COL6A5: variants seen among roughly 807,000 people sequenced by gnomAD.
COL6A5 encodes collagen type VI alpha 5 chain.
Under a neutral mutation model 65.6 loss-of-function variants are expected in COL6A5, and 48 were observed. The ratio of observed to expected loss-of-function variants is 0.73; its 90% CI spans 0.58 to 0.93. The LOEUF is 0.93. COL6A5 is among the 40% of genes least tolerant of loss of function. The pLI, the probability that COL6A5 is intolerant of heterozygous loss-of-function variation, is 0.00. For synonymous variants in COL6A5, 291 were observed against 322.8 expected (o/e 0.90, Z 1.05); for missense variants, 914 against 928.3 (o/e 0.98, Z 0.20).
chr3:130,418,802 G>T (rs1937437032), intron 24 of COL6A5, 67 bp from the exon 25 acceptor site: 2 of 1,297,996 alleles, frequency 1.5e-6, no homozygotes, highest in Non-Finnish European at 2.2e-6. Context: ...CGAGTGGACA[G>T]AACTTACCGT....
At chr3:130,439,167 G>A (rs929881096) in intron 1 of COL6A5, among the ~76,000 whole-genome samples, 3 of 152,146 alleles carry the variant, frequency 2.0e-5, no homozygotes, top group Admixed American at 6.5e-5. Context: ...ATAATCAGAA[G>A]TGTGTACAAA....
chr3:130,443,542 A>G, exon 4 of COL6A5: 1 of 1,609,990 alleles, frequency 6.2e-7, no homozygotes, highest in Non-Finnish European at 8.5e-7. Flanking sequence ...TTAGGAGGAG[A>G]GAATATTCAA....
At chr3:130,426,826 G>A (rs1349275553), upstream of COL6A5, among the ~76,000 whole-genome samples, 2 of 151,858 alleles carry the variant, frequency 1.3e-5, no homozygotes. Flanking sequence ...ATGGGAAAGT[G>A]ATGGGGGTGG....
chr3:130,409,928 T>G, intron 18 of COL6A5, 81 bp from the exon 19 acceptor site: 1 of 946,370 alleles, frequency 1.1e-6, no homozygotes, highest in Admixed American at 2.4e-5. Flanking sequence ...CCAAATTAGC[T>G]TAGTACTTGA....
At chr3:130,451,783 G>A (rs322122) in intron 4 of COL6A5, among the ~76,000 whole-genome samples, 126,216 of 152,050 alleles carry the variant, frequency 0.83, 54,014 homozygotes, top group Non-Finnish European at 0.93. Context: ...GGCTGATCAG[G>A]TAACGAAGGC....
intron 7 of COL6A5, among the ~76,000 whole-genome samples, chr3:130,480,933 C>G (rs763437429): frequency 1.3e-5 from 2 of 152,036 alleles, no homozygotes; most frequent in Non-Finnish European, 2.9e-5. Flanking sequence ...TCATCTCAGG[C>G]GAAGTCCCAT....
At chr3:130,410,122 C>A in intron 19 of COL6A5, 48 bp downstream of exon 19, 2 of 1,358,466 alleles carry the variant, frequency 1.5e-6, no homozygotes, top group Non-Finnish European at 2.0e-6. Context: ...TGTTATTGAT[C>A]CAAGTAAATT....
chr3:130,376,946 TA>T, intron 3 of COL6A5, 110 bp downstream of exon 3: 1 of 1,244,322 alleles, frequency 8.0e-7, no homozygotes, highest in Non-Finnish European at 1.1e-6. Flanking sequence ...CATGTTGAAG[TA>T]TTGGAAACTT....
Position 130,409,319 on chromosome 3 carries a change from T to C in COL6A5, c.4480-7T>C, listed in dbSNP as rs898386148. Reference sequence around the variant, plus strand: ...GCTAACTCAGAAATTCATTTCATTTTTTTCAGGGCAGCCCAGGTTCCAGAG... The same window carrying C: ...GCTAACTCAGAAATTCATTTCATTTCTTTCAGGGCAGCCCAGGTTCCAGAG... On this transcript the variant is annotated splice_region_variant and splice_polypyrimidine_tract_variant and intron_variant and NMD_transcript_variant, in intron 17 of 41. Coordinates refer to the COL6A5 transcript ENST00000312481. The C allele has an allele frequency of 2.9e-5, 45 of 1,534,860 alleles. No homozygotes were observed. The Admixed American group carries it at 9.4e-4, about 32-fold the overall frequency.
intron 1 of COL6A5, among the ~76,000 whole-genome samples, chr3:130,369,694 A>T (rs533940849): frequency 2.1e-4 from 32 of 152,282 alleles, no homozygotes; most frequent in African/African-American, 7.7e-4. Flanking sequence ...ATTATTCATT[A>T]GTCTATTATT....
exon 6 of COL6A5, chr3:130,469,151 G>T: frequency 6.2e-7 from 1 of 1,613,186 alleles, no homozygotes; most frequent in Non-Finnish European, 8.5e-7. Flanking sequence ...GCTCAATGGA[G>T]ATGTTTTTAT....
intron 1 of COL6A5, among the ~76,000 whole-genome samples, chr3:130,372,792 C>G (rs1171806121): frequency 1.3e-5 from 2 of 152,110 alleles, no homozygotes; most frequent in South Asian, 4.1e-4. Context: ...CATCCAGCTT[C>G]CAATGATTCT....
chr3:130,432,731 G>T (rs1937873554), intron 1 of COL6A5, among the ~76,000 whole-genome samples: 1 of 152,062 alleles, frequency 6.6e-6, no homozygotes, highest in Non-Finnish European at 1.5e-5. Context: ...GCTTGCTGTT[G>T]CTCACAGAAC....
chr3:130,359,625 G>C (rs1183225657), intron 1 of COL6A5, among the ~76,000 whole-genome samples: 1 of 151,998 alleles, frequency 6.6e-6, no homozygotes, highest in African/African-American at 2.4e-5. Flanking sequence ...AGGACCTACA[G>C]CAAAAATAAT....
intron 1 of COL6A5, among the ~76,000 whole-genome samples, chr3:130,363,152 C>T (rs889128305): frequency 1.3e-5 from 2 of 152,104 alleles, no homozygotes; most frequent in Admixed American, 6.6e-5. Context: ...AATTCTCTCT[C>T]CTTACTTAGC....
At chr3:130,452,223 G>A (rs116083202) in intron 4 of COL6A5, among the ~76,000 whole-genome samples, 6,741 of 152,156 alleles carry the variant, frequency 0.044, 469 homozygotes, top group East Asian at 0.31. Flanking sequence ...GGACCAAACC[G>A]ATGACGTTTC....
chr3:130,457,884 A>C (rs536553615), intron 5 of COL6A5, among the ~76,000 whole-genome samples: 77 of 152,258 alleles, frequency 5.1e-4, no homozygotes, highest in African/African-American at 1.8e-3. Flanking sequence ...GATGTATGGC[A>C]TAAATAAAAG....
At position 130,444,239 on chromosome 3, in the gene COL6A5, T is replaced by G. The variant is rs368209785; in HGVS notation, c.1332+673T>G. On this transcript the variant is annotated intron_variant, in intron 4 of 7. Transcript: ENST00000512836. ...TTTCATATTGTTCAAACACACATGC[T>G]CTACAATTTGTGCAGTTAACACAAT... Among the ~76,000 whole-genome samples, 5 of 152,094 alleles carry G rather than the reference T, an allele frequency of 3.3e-5. No individual in the cohort carries two copies. The East Asian group carries it at 5.8e-4, about 18-fold the overall frequency.
chr3:130,362,456 G>A (rs972699362), intron 1 of COL6A5, among the ~76,000 whole-genome samples: 1 of 151,370 alleles, frequency 6.6e-6, no homozygotes, highest in Non-Finnish European at 1.5e-5. Flanking sequence ...ATTTGTGCAG[G>A]TCTATTTCTG....
Sources: gnomAD v4.1 joint callset for allele counts (sites outside exome capture counted in the v4.1 genomes callset) on GRCh38, gnomAD v4.1.1 for gene constraint, MANE v1.5 for transcripts, NCBI Gene and HGNC (gene_info 2026-07-23, HGNC 2026-07-21) for gene names.